Variants in THSD7B observed in about 807,000 individuals in gnomAD.
THSD7B encodes thrombospondin type-1 domain-containing protein 7B.
Under a neutral mutation model 213.6 loss-of-function variants are expected in THSD7B, and 138 were observed. The observed-to-expected ratio is 0.65, with a 90% CI of 0.56 to 0.74. The LOEUF is 0.74. Ranked by LOEUF, THSD7B falls within the 30% of genes least tolerant of loss-of-function variation. THSD7B has a pLI of 0.00. For missense variants in THSD7B, 1,931 were observed against 1,991.5 expected, an observed-to-expected ratio of 0.97 and a Z score of 0.58; for synonymous variants, 742 against 687.0, an observed-to-expected ratio of 1.08 and a Z score of -1.25.
chr2:137,176,546 C>T (rs1680360983), intron 7 of THSD7B, among the ~76,000 whole-genome samples: 1 of 152,144 alleles, frequency 6.6e-6, no homozygotes, highest in African/African-American at 2.4e-5. Context: ...AGAAATGGCC[C>T]TTTGGAATAG....
intron 15 of THSD7B, among the ~76,000 whole-genome samples, chr2:137,469,120 T>A (rs1688046532): frequency 6.6e-6 from 1 of 152,206 alleles, no homozygotes; most frequent in Non-Finnish European, 1.5e-5. Context: ...TCTGGATCTG[T>A]CTAGATTCTG....
At chr2:137,668,410 C>A in intron 27 of THSD7B, among the ~76,000 whole-genome samples, 1 of 150,514 alleles carries the variant, frequency 6.6e-6, no homozygotes. Context: ...GCTATATTGA[C>A]CAGCTATGAG....
intron 14 of THSD7B, among the ~76,000 whole-genome samples, chr2:137,419,855 A>G (rs1686885652): frequency 6.6e-6 from 1 of 151,930 alleles, no homozygotes; most frequent in South Asian, 2.1e-4. Flanking sequence ...TTATACATTC[A>G]TCCACTGATG....
chr2:137,414,232 T>A (rs1459591189), intron 14 of THSD7B, among the ~76,000 whole-genome samples: 1 of 152,166 alleles, frequency 6.6e-6, no homozygotes, highest in Non-Finnish European at 1.5e-5. Flanking sequence ...TCATAACTTT[T>A]ATGGTACTTG....
intron 1 of THSD7B, among the ~76,000 whole-genome samples, chr2:136,781,019 A>AT (rs139740565): frequency 0.036 from 5,419 of 152,314 alleles, 308 homozygotes; most frequent in African/African-American, 0.12. Flanking sequence ...GCTTCATGCA[A>AT]TGTGTGAAAG....
intron 7 of THSD7B, among the ~76,000 whole-genome samples, chr2:137,180,979 G>C (rs1217206191): frequency 2.0e-5 from 3 of 152,132 alleles, no homozygotes; most frequent in East Asian, 3.9e-4. Context: ...TCTTTCCTTA[G>C]TGTGAGCTAA....
At chr2:137,307,354 G>A (rs999064582) in intron 12 of THSD7B, among the ~76,000 whole-genome samples, 1 of 152,056 alleles carries the variant, frequency 6.6e-6, no homozygotes, top group Non-Finnish European at 1.5e-5. Flanking sequence ...CGCCCAGAAT[G>A]AGAGGGGACA....
intron 14 of THSD7B, among the ~76,000 whole-genome samples, chr2:137,447,273 G>A (rs1371552382): frequency 6.6e-6 from 1 of 152,004 alleles, no homozygotes; most frequent in Non-Finnish European, 1.5e-5. Context: ...AGATGAGAAT[G>A]ATTTAAAATC....
At chr2:137,171,816 T>G (rs1680258740) in intron 7 of THSD7B, among the ~76,000 whole-genome samples, 2 of 152,222 alleles carry the variant, frequency 1.3e-5, no homozygotes, top group South Asian at 4.1e-4. Context: ...TTTTTTTCTC[T>G]CTCCCTCCCT....
At chr2:137,074,770 G>A (rs1474789430) in intron 3 of THSD7B, among the ~76,000 whole-genome samples, 3 of 152,114 alleles carry the variant, frequency 2.0e-5, no homozygotes, top group Admixed American at 6.6e-5. Context: ...AGCTCTTTTA[G>A]GGCAGGCCTG....
At chr2:137,173,245 T>A (rs1680297752) in intron 7 of THSD7B, among the ~76,000 whole-genome samples, 2 of 152,188 alleles carry the variant, frequency 1.3e-5, no homozygotes, top group African/African-American at 4.8e-5. Flanking sequence ...CGAAGAGCAT[T>A]CTTTTAAAAC....
intron 14 of THSD7B, among the ~76,000 whole-genome samples, chr2:137,424,988 C>T (rs910686562): frequency 5.9e-5 from 9 of 151,494 alleles, no homozygotes; most frequent in Non-Finnish European, 1.3e-4. Context: ...AGGAGAATGG[C>T]GTGAACCCGG....
At chr2:136,939,327 C>T (rs565908799) in intron 2 of THSD7B, among the ~76,000 whole-genome samples, 2 of 152,318 alleles carry the variant, frequency 1.3e-5, no homozygotes, top group African/African-American at 4.8e-5. Flanking sequence ...ATGTATCCTT[C>T]TCCAGTCAAT....
intron 4 of THSD7B, among the ~76,000 whole-genome samples, chr2:137,097,759 C>T (rs150386948): frequency 1.2e-3 from 157 of 135,854 alleles, no homozygotes; most frequent in Non-Finnish European, 1.7e-3. Context: ...TTGAAAATGC[C>T]GCTAAGTTTG....
intron 12 of THSD7B, among the ~76,000 whole-genome samples, chr2:137,306,678 C>A (rs1016011931): frequency 1.3e-5 from 2 of 151,888 alleles, no homozygotes; most frequent in African/African-American, 4.8e-5. Context: ...TCTGTGATAT[C>A]TTTAGACTGA....
At chr2:136,952,802 C>T (rs1427775759) in intron 2 of THSD7B, among the ~76,000 whole-genome samples, 2 of 151,988 alleles carry the variant, frequency 1.3e-5, no homozygotes, top group East Asian at 3.9e-4. Flanking sequence ...CTTTGTACAG[C>T]TTTTGAAGTT....
rs1273871125 is a variant in THSD7B, at chr2:137,134,287, A to G, written c.1369+18994A>G. Reference sequence around the variant, plus strand: ...CTGAAGGAAGCAAGTCAGCATTCCTAACACTGAGTTTTAATTTTTTTTCAT... The same window carrying G: ...CTGAAGGAAGCAAGTCAGCATTCCTGACACTGAGTTTTAATTTTTTTTCAT... On this transcript the variant is annotated intron_variant, in intron 5 of 27. Transcript: ENST00000409968. Among the ~76,000 whole-genome samples, 6 of 152,328 alleles carry G rather than the reference A, an allele frequency of 3.9e-5. No individual in the cohort carries two copies. The East Asian group carries it at 1.2e-3, about 29-fold the overall frequency.
At chr2:137,674,698 G>A (rs1683656140) in intron 27 of THSD7B, among the ~76,000 whole-genome samples, 1 of 152,170 alleles carries the variant, frequency 6.6e-6, no homozygotes, top group South Asian at 2.1e-4. Flanking sequence ...AGCTCCCTCT[G>A]GAGAATATTC....
At chr2:137,265,011 T>G (rs543313789) in intron 10 of THSD7B, among the ~76,000 whole-genome samples, 113 of 149,294 alleles carry the variant, frequency 7.6e-4, no homozygotes, top group African/African-American at 2.8e-3. Context: ...CAGAGTGTGA[T>G]GTTCCCCTTC....
Sources: allele counts gnomAD v4.1 joint callset (sites outside exome capture counted in the v4.1 genomes callset), GRCh38; gene constraint gnomAD v4.1.1; transcripts MANE v1.5; gene names NCBI Gene and HGNC (gene_info 2026-07-23, HGNC 2026-07-21).